Variants in HIVEP2 observed in about 807,000 individuals in gnomAD.
The protein encoded by HIVEP2 is HIVEP zinc finger 2.
Under a neutral mutation model 180.7 loss-of-function variants are expected in HIVEP2, and 14 were observed. The observed-to-expected ratio is 0.08, with a 90% CI of 0.05 to 0.12. The LOEUF is 0.12. Among genes scored for constraint, HIVEP2 ranks in the 10% least tolerant of loss-of-function variants. The pLI, the probability that HIVEP2 is intolerant of heterozygous loss-of-function variation, is 1.00. For synonymous variants in HIVEP2, 1,184 were observed against 1,136.4 expected (o/e 1.04, Z -0.84); for missense variants, 2,579 against 3,008.5 (o/e 0.86, Z 3.34).
chr6:142,845,338 A>C (rs1775479415), intron 1 of HIVEP2, among the ~76,000 whole-genome samples: 1 of 152,182 alleles, frequency 6.6e-6, no homozygotes, highest in South Asian at 2.1e-4. Flanking sequence ...CTCTGAGGTG[A>C]TTCTTATTGG....
intron 1 of HIVEP2, among the ~76,000 whole-genome samples, chr6:142,911,139 T>TAAAAAAAAAAAAAAAAAAAAAAATA (rs5880554): frequency 4.7e-5 from 5 of 106,226 alleles, no homozygotes; most frequent in South Asian, 6.1e-4. Flanking sequence ...ACAAACACAT[T>TAAAAAAAAAAAAAAAAAAAAAAATA]AAAAAAAAAA....
At chr6:142,780,363 C>T (rs995889590) in intron 3 of HIVEP2, among the ~76,000 whole-genome samples, 3 of 152,146 alleles carry the variant, frequency 2.0e-5, no homozygotes, top group African/African-American at 7.2e-5. Flanking sequence ...CAGTGAAAGG[C>T]TTATTAGGGA....
At chr6:142,828,332 T>C (rs564538414) in intron 2 of HIVEP2, among the ~76,000 whole-genome samples, 7 of 152,314 alleles carry the variant, frequency 4.6e-5, no homozygotes, top group Admixed American at 2.6e-4. Flanking sequence ...CCCAATAAAC[T>C]TCCCCACTTT....
At chr6:142,935,285 T>A (rs942660557) in intron 1 of HIVEP2, among the ~76,000 whole-genome samples, 1 of 152,146 alleles carries the variant, frequency 6.6e-6, no homozygotes, top group East Asian at 1.9e-4. Context: ...CAGTGGCTCA[T>A]GCCTGTAATC....
chr6:142,829,637 G>A (rs1413253679), intron 2 of HIVEP2, among the ~76,000 whole-genome samples: 1 of 152,158 alleles, frequency 6.6e-6, no homozygotes, highest in Non-Finnish European at 1.5e-5. Flanking sequence ...TTCCTCCACA[G>A]CACCAAAACA....
chr6:142,846,964 C>T (rs1007487449), intron 1 of HIVEP2, among the ~76,000 whole-genome samples: 7 of 152,178 alleles, frequency 4.6e-5, no homozygotes, highest in African/African-American at 7.2e-5. Flanking sequence ...GCCCCTGAAG[C>T]GACTGGCCCC....
At position 142,841,543 on chromosome 6, in the gene HIVEP2, A is replaced by G. The variant is rs533136372; in HGVS notation, c.-640-4496T>C. On this transcript the variant is annotated intron_variant, in intron 1 of 9. Coordinates refer to ENST00000367603, the MANE Select transcript of HIVEP2 (RefSeq NM_006734.4). ...CTTCATTTTCTTTTTTCAAATGTTC[A>G]TCGATATTTTCTTTTCTGCATGAGT... Among the ~76,000 whole-genome samples the G allele has an allele frequency of 2.0e-5, 3 of 152,066 alleles. No individual in the cohort carries two copies. The South Asian group carries it at 6.2e-4, about 31-fold the overall frequency.
chr6:142,817,693 T>C (rs1322068311), intron 2 of HIVEP2, among the ~76,000 whole-genome samples: 2 of 152,112 alleles, frequency 1.3e-5, no homozygotes, highest in Admixed American at 6.5e-5. Context: ...CCTTGAAGAA[T>C]TGTAAAATGA....
intron 1 of HIVEP2, among the ~76,000 whole-genome samples, chr6:142,857,338 G>C (rs1159953946): frequency 3.3e-5 from 5 of 152,036 alleles, no homozygotes; most frequent in Non-Finnish European, 5.9e-5. Context: ...CTAGATCTAA[G>C]TCATTCACAA....
intron 1 of HIVEP2, among the ~76,000 whole-genome samples, chr6:142,930,991 A>G (rs980559215): frequency 2.6e-5 from 4 of 152,198 alleles, no homozygotes; most frequent in Non-Finnish European, 4.4e-5. Flanking sequence ...GTACCCACTC[A>G]GGAAACAATA....
intron 1 of HIVEP2, among the ~76,000 whole-genome samples, chr6:142,918,384 A>G (rs2128433243): frequency 6.6e-6 from 1 of 152,294 alleles, no homozygotes; most frequent in African/African-American, 2.4e-5. Context: ...CAAGAGTTAA[A>G]ATTACAACAG....
chr6:142,795,721 A>C (rs1042490399), intron 2 of HIVEP2, among the ~76,000 whole-genome samples: 1 of 152,172 alleles, frequency 6.6e-6, no homozygotes, highest in Non-Finnish European at 1.5e-5. Flanking sequence ...TTCAAAACTT[A>C]TTTCAGTCTC....
intron 1 of HIVEP2, among the ~76,000 whole-genome samples, chr6:142,854,320 C>T (rs1460981630): frequency 6.6e-6 from 1 of 152,086 alleles, no homozygotes; most frequent in Non-Finnish European, 1.5e-5. Flanking sequence ...GATAGTCGCC[C>T]ACAACAAAGA....
rs115686850 is a variant in HIVEP2 at position 142,821,858 on chromosome 6, T to C, written c.-528+15077A>G. On this transcript the variant is annotated intron_variant, in intron 2 of 9. Coordinates refer to ENST00000367603, the MANE Select transcript of HIVEP2 (RefSeq NM_006734.4). ...CAGGACAGCATGCCTTGTGATGCCA[T>C]GGGACATAGAGGCAGGCATGGCTGG... is the stretch of plus-strand genomic sequence containing the variant. Among the ~76,000 whole-genome samples, 493 of 152,290 alleles carry C rather than the reference T, an allele frequency of 3.2e-3. 2 individuals are homozygous for C. The highest frequency in any genetic ancestry group is 0.011 in the African/African-American group (463 of 41,546).
chr6:142,934,446 A>G (rs1284130348), intron 1 of HIVEP2, among the ~76,000 whole-genome samples: 1 of 152,182 alleles, frequency 6.6e-6, no homozygotes, highest in African/African-American at 2.4e-5. Context: ...TGTAGGCTCT[A>G]ATGAGCACAG....
chr6:142,869,099 T>C (rs1253585256), intron 1 of HIVEP2, among the ~76,000 whole-genome samples: 3 of 152,186 alleles, frequency 2.0e-5, no homozygotes, highest in South Asian at 4.1e-4. Flanking sequence ...GAAGGAAAAC[T>C]ACTGGTATCT....
At chr6:142,821,028 A>G (rs368709395) in intron 2 of HIVEP2, among the ~76,000 whole-genome samples, 8 of 152,338 alleles carry the variant, frequency 5.3e-5, no homozygotes, top group African/African-American at 1.2e-4. Flanking sequence ...GTTGCTGACA[A>G]GAAGGCTTCA....
intron 2 of HIVEP2, among the ~76,000 whole-genome samples, chr6:142,799,726 G>A (rs1462735622): frequency 1.3e-5 from 2 of 152,128 alleles, no homozygotes; most frequent in Admixed American, 6.6e-5. Context: ...TGCAATTAAA[G>A]TTCAAGGTGG....
At chr6:142,763,242 G>A (rs1775295673) in intron 7 of HIVEP2, among the ~76,000 whole-genome samples, 2 of 152,156 alleles carry the variant, frequency 1.3e-5, no homozygotes, top group South Asian at 2.1e-4. Context: ...AATGTATAAG[G>A]ACAAGGAGAG....
Sources: gnomAD v4.1 joint callset for allele counts (sites outside exome capture counted in the v4.1 genomes callset) on GRCh38, gnomAD v4.1.1 for gene constraint, MANE v1.5 for transcripts, NCBI Gene and HGNC (gene_info 2026-07-23, HGNC 2026-07-21) for gene names.